ANKFY1: variants seen among roughly 807,000 people sequenced by gnomAD.
The protein encoded by ANKFY1 is ankyrin repeat and FYVE domain containing 1, also known as ankyrin repeat and FYVE domain-containing protein 1.
A neutral mutation model predicts 128.3 loss-of-function variants in ANKFY1; 47 were observed. The observed-to-expected ratio is 0.37, with a 90% CI of 0.29 to 0.47. The LOEUF is 0.47. Ranked by LOEUF, ANKFY1 falls within the 20% of genes least tolerant of loss-of-function variation. The pLI, the probability that ANKFY1 is intolerant of heterozygous loss-of-function variation, is 1.00. For missense variants in ANKFY1, 1,222 were observed against 1,510.6 expected (o/e 0.81, Z 3.17); for synonymous variants, 553 against 601.6 (o/e 0.92, Z 1.18).
intron 13 of ANKFY1, 94 bp from the exon 14 acceptor site, chr17:4,183,645 C>G: frequency 1.3e-6 from 2 of 1,526,578 alleles, no homozygotes; most frequent in South Asian, 2.3e-5. Context: ...TTCTCAAAGC[C>G]AGCAGTTTTC....
In ANKFY1 at chr17:4,208,064, C is replaced by T; in HGVS notation, c.601G>A (p.Asp201Asn). 6.2e-7 allele frequency: 1 copy of T among 1,607,404 alleles called. No individual in the cohort carries two copies. The highest frequency in any genetic ancestry group is 8.5e-7 in the Non-Finnish European group (1 of 1,177,386). Residue 201 changes from aspartate to asparagine, a missense_variant, in exon 6 of 25, where the codon GAT becomes AAT. Transcript: ENST00000341657. ...AACTGAGCGCTCATGCTGCTGAAAT[C>T]CTCCTTCCTCAGGTCGTCCTGAGAA... ...ASHWDDLRKEDFSSMSAQLLY... is the reference protein window; with the variant it reads ...ASHWDDLRKENFSSMSAQLLY...
chr17:4,252,892 A>G (rs1213439281), intron 1 of ANKFY1, among the ~76,000 whole-genome samples: 4 of 152,212 alleles, frequency 2.6e-5, no homozygotes, highest in Non-Finnish European at 1.5e-5. Flanking sequence ...CATGAGGTAC[A>G]GATGTATCTC....
Position 4,195,432 on chromosome 17 carries a change from A to G in ANKFY1, c.1143T>C (p.Tyr381=), listed in dbSNP as rs375820162. 3.5e-5 allele frequency: 57 copies of G among 1,614,020 alleles called. No individual in the cohort carries two copies. In the African/African-American group the frequency reaches 7.2e-4, roughly 20 times the overall value. The change falls in exon 9 of 25, where the codon TAT becomes TAC. Residue 381 remains tyrosine (Y), a synonymous_variant. Transcript: ENST00000341657. ...TGCACTGCAGCAGCTGACTGAACACATATTCATTCCCGGCCATGATGGACA... is the reference window on the plus strand; with the variant it reads ...TGCACTGCAGCAGCTGACTGAACACGTATTCATTCCCGGCCATGATGGACA... ...LHVSIMAGNE[Y]VFSQLLQCKQ... is the part of the protein sequence containing the mutation.
At position 4,181,594 on chromosome 17, in the gene ANKFY1, G is replaced by C. The variant is rs2059517590; in HGVS notation, c.2122-222C>G. On this transcript the variant is annotated intron_variant, in intron 15 of 24. Transcript: ENST00000341657. This position sits in a 1 kb window ranked among gnomAD's most constrained non-coding sequence, Gnocchi z 4.9. ...CACTAGGTCCTGTGGGACAGACTTGGGAAGTATAAACAAGTTATGTTTAAT... is the reference window on the plus strand; with the variant it reads ...CACTAGGTCCTGTGGGACAGACTTGCGAAGTATAAACAAGTTATGTTTAAT... 1.3e-5 allele frequency among the ~76,000 whole-genome samples: 2 copies of C among 152,154 alleles called. No homozygotes were observed. Among genetic ancestry groups the C allele is most frequent in the South Asian group, 4.1e-4 (2 of 4,828 alleles).
intron 10 of ANKFY1, among the ~76,000 whole-genome samples, chr17:4,190,823 C>A (rs994021498): frequency 2.0e-5 from 3 of 152,062 alleles, no homozygotes; most frequent in African/African-American, 7.2e-5. Flanking sequence ...AAACCAAACA[C>A]CAGGACTGAA....
chr17:4,185,281 C>A (rs1488383201), intron 11 of ANKFY1, among the ~76,000 whole-genome samples: 2 of 152,186 alleles, frequency 1.3e-5, no homozygotes, highest in Non-Finnish European at 2.9e-5. Flanking sequence ...TCTCGGCTCA[C>A]TGCAACCTTT....
At chr17:4,256,554 G>A (rs1968139548) in intron 1 of ANKFY1, among the ~76,000 whole-genome samples, 1 of 152,150 alleles carries the variant, frequency 6.6e-6, no homozygotes, top group African/African-American at 2.4e-5. Context: ...CGGGGGATTT[G>A]GTGACTGATG....
At chr17:4,261,904 G>C (rs1216730499) in intron 1 of ANKFY1, among the ~76,000 whole-genome samples, 1 of 152,164 alleles carries the variant, frequency 6.6e-6, no homozygotes, top group African/African-American at 2.4e-5. Flanking sequence ...ACAACATTCC[G>C]TGATTTACTC....
intron 14 of ANKFY1, among the ~76,000 whole-genome samples, chr17:4,183,158 A>G (rs542806840): frequency 8.5e-5 from 13 of 152,336 alleles, no homozygotes; most frequent in African/African-American, 2.2e-4. Context: ...GACTTGTGCA[A>G]TACTATGCAC....
At position 4,181,164 on chromosome 17, in the gene ANKFY1, G is replaced by T; in HGVS notation, c.2240+90C>A. ...TGAAAGTCAAGCCGGCTACTGGCAT[G>T]CCAAGACTATAGACGGATTTAAAAA... On this transcript the variant is annotated intron_variant, in intron 16 of 24. Transcript: ENST00000341657. This position sits in a 1 kb window ranked among gnomAD's most constrained non-coding sequence, Gnocchi z 4.9. 9.1e-7 allele frequency: 1 copy of T among 1,098,796 alleles called. No individual in the cohort carries two copies. Among genetic ancestry groups the T allele is most frequent in the Non-Finnish European group, 1.4e-6 (1 of 726,358 alleles). 68.1% of individuals were successfully genotyped at this position (1,098,796 alleles called of 1,614,324 possible).
chr17:4,248,010 C>T (rs1598146478), intron 1 of ANKFY1, among the ~76,000 whole-genome samples: 2 of 152,220 alleles, frequency 1.3e-5, no homozygotes, highest in South Asian at 2.1e-4. Context: ...GCCCAGAGCT[C>T]GCATTCCAGA....
chr17:4,228,979 A>G (rs1018426940), intron 3 of ANKFY1, among the ~76,000 whole-genome samples: 1 of 152,176 alleles, frequency 6.6e-6, no homozygotes, highest in Non-Finnish European at 1.5e-5. Flanking sequence ...AAGCACTCAA[A>G]ACACCACCAC....
chr17:4,222,402 C>T, intron 3 of ANKFY1: 2 of 791,704 alleles, frequency 2.5e-6, no homozygotes, highest in South Asian at 2.7e-5. Flanking sequence ...AGACAAATTT[C>T]CTGCACTTCA....
intron 1 of ANKFY1, chr17:4,263,477 C>A: frequency 1.2e-6 from 1 of 825,140 alleles, no homozygotes; most frequent in Non-Finnish European, 1.8e-6. Flanking sequence ...CACCCCACCC[C>A]ACCTCACCCC....
chr17:4,241,562 C>A (rs1011728520), intron 2 of ANKFY1, among the ~76,000 whole-genome samples: 1 of 151,866 alleles, frequency 6.6e-6, no homozygotes, highest in Non-Finnish European at 1.5e-5. Flanking sequence ...GCATGAGCCA[C>A]CGTGCCCAGC....
At position 4,179,803 on chromosome 17, in the gene ANKFY1, G is replaced by T. The variant is rs757307512; in HGVS notation, c.2315C>A (p.Thr772Asn). Reference sequence around the variant, plus strand: ...CCAAGAGGCTGCCAAATGCAAAGGGGTCTGCCCATCTCTAGCCTCTTCCTC... The same window carrying T: ...CCAAGAGGCTGCCAAATGCAAAGGGTTCTGCCCATCTCTAGCCTCTTCCTC... ...EGEEEARDGQ[T>N]PLHLAASWGL... The change falls in exon 17 of 25, where the codon ACC (threonine) becomes AAC (asparagine). Residue 772 changes from threonine (T) to asparagine (N), a missense_variant. Transcript: ENST00000341657. 6.2e-6 allele frequency: 10 copies of T among 1,614,120 alleles called. No homozygotes were observed. The highest frequency in any genetic ancestry group is 8.5e-6 in the Non-Finnish European group (10 of 1,180,060).
At chr17:4,212,018 T>A (rs1216691828) in intron 4 of ANKFY1, among the ~76,000 whole-genome samples, 1 of 152,174 alleles carries the variant, frequency 6.6e-6, no homozygotes, top group Non-Finnish European at 1.5e-5. Flanking sequence ...CTGGAAGATA[T>A]GGCATTGGAA....
In ANKFY1 at chr17:4,165,838, C is replaced by T. The variant is rs888297958; in HGVS notation, c.*1941G>A. 4.6e-5 allele frequency: 7 copies of T among 152,222 alleles called. No individual in the cohort carries two copies. The highest frequency in any genetic ancestry group is 1.7e-4 in the African/African-American group (7 of 41,458). The allele number at this position is 152,222 out of a possible 1,614,324, so 9.4% of individuals were successfully genotyped here. On this transcript the variant is annotated 3_prime_UTR_variant, in exon 25 of 25. Coordinates refer to ENST00000341657, the MANE Select transcript of ANKFY1 (RefSeq NM_001330063.2). The stretch of plus-strand genomic sequence containing the variant: ...CATCTCCCACATTCCTTTTAAAGAA[C>T]AGGTATCCATGTACCAACCACTTCA...
intron 1 of ANKFY1, among the ~76,000 whole-genome samples, chr17:4,263,211 CCAGAGTGCCTTAAGCTG>C (rs766946029): frequency 1.1e-4 from 17 of 152,160 alleles, no homozygotes; most frequent in Non-Finnish European, 2.2e-4. Flanking sequence ...CTCTGAGAGA[CCAGAGTGCCTTAAGCTG>C]CAATGTCATG....
Sources: allele counts gnomAD v4.1 joint callset (sites outside exome capture counted in the v4.1 genomes callset), GRCh38; gene constraint gnomAD v4.1.1; non-coding constraint Gnocchi (gnomAD v3.1); transcripts MANE v1.5; gene names NCBI Gene and HGNC (gene_info 2026-07-23, HGNC 2026-07-21).